Variants in CYB5B observed in about 807,000 individuals in gnomAD.
CYB5B encodes the protein cytochrome b5 type B (outer mitochondrial membrane).
Under a neutral mutation model 21.3 loss-of-function variants are expected in CYB5B, and 14 were observed. The observed-to-expected ratio is 0.66, with a 90% CI of 0.43 to 1.03. The LOEUF is 1.03. Ranked by LOEUF, CYB5B falls within the 50% of genes least tolerant of loss-of-function variation. The pLI, the probability that CYB5B is intolerant of heterozygous loss-of-function variation, is 0.00. For missense variants in CYB5B, 166 were observed against 185.1 expected (o/e 0.90, Z 0.60); for synonymous variants, 69 against 68.4 (o/e 1.01, Z -0.04).
At chr16:69,426,494 C>G (rs1447012212) in intron 1 of CYB5B, among the ~76,000 whole-genome samples, 1 of 151,162 alleles carries the variant, frequency 6.6e-6, no homozygotes, top group South Asian at 2.1e-4. Context: ...ATCACGAGAT[C>G]AAGAGTTCCA....
At chr16:69,429,364 A>T (rs2014681244) in intron 1 of CYB5B, among the ~76,000 whole-genome samples, 1 of 152,148 alleles carries the variant, frequency 6.6e-6, no homozygotes, top group Non-Finnish European at 1.5e-5. Context: ...CATCCTGCTG[A>T]TTGGTCCATT....
chr16:69,459,756 G>A (rs2015016015), intron 4 of CYB5B, among the ~76,000 whole-genome samples: 2 of 152,040 alleles, frequency 1.3e-5, no homozygotes, highest in African/African-American at 2.4e-5. Context: ...TGGACATCTC[G>A]AAGTATTTCA....
At chr16:69,451,361 A>C (rs2014929352) in intron 3 of CYB5B, among the ~76,000 whole-genome samples, 1 of 152,168 alleles carries the variant, frequency 6.6e-6, no homozygotes, top group African/African-American at 2.4e-5. Context: ...TTCGTGGTCT[A>C]TGAATTCTCT....
At chr16:69,453,398 A>C (rs2014954610) in intron 3 of CYB5B, among the ~76,000 whole-genome samples, 1 of 152,196 alleles carries the variant, frequency 6.6e-6, no homozygotes, top group Non-Finnish European at 1.5e-5. Context: ...CAAATTAAAA[A>C]TTTTATTTTT....
chr16:69,450,406 G>T (rs1421414119), intron 3 of CYB5B, among the ~76,000 whole-genome samples: 1 of 152,096 alleles, frequency 6.6e-6, no homozygotes, highest in South Asian at 2.1e-4. Context: ...TTTTCCTCAT[G>T]TCACTGTACT....
chr16:69,424,909 A>G, intron 1 of CYB5B, 52 bp downstream of exon 1: 1 of 1,489,086 alleles, frequency 6.7e-7, no homozygotes, highest in Non-Finnish European at 9.0e-7. Context: ...GAGGGGTGAA[A>G]AGGCTGTGTG....
At chr16:69,455,986 G>C (rs186833450) in intron 3 of CYB5B, among the ~76,000 whole-genome samples, 1 of 152,074 alleles carries the variant, frequency 6.6e-6, no homozygotes, top group Non-Finnish European at 1.5e-5. Context: ...TGAGCTTTTC[G>C]TTTTACAAAC....
rs763490513 is a variant in CYB5B at position 69,459,115 on chromosome 16, G to A, written c.356G>A (p.Cys119Tyr). Residue 119 changes from cysteine to tyrosine, a missense_variant, in exon 4 of 5, where the codon TGC becomes TAC. Transcript: ENST00000307892. ...CAGGACCCTTCAAAAAATGATACAT[G>A]CAAAAGGTTAGTATCTCCTTAACAG... is the stretch of plus-strand genomic sequence containing the variant. ...GSKDPSKNDT[C>Y]KSCWAYWILP... 1.3e-6 allele frequency: 2 copies of A among 1,597,752 alleles called. No homozygotes were observed. The highest frequency in any genetic ancestry group is 1.1e-5 in the South Asian group (1 of 88,024).
At chr16:69,457,489 G>A (rs779763002) in intron 3 of CYB5B, among the ~76,000 whole-genome samples, 5 of 151,952 alleles carry the variant, frequency 3.3e-5, no homozygotes, top group Admixed American at 6.6e-5. Flanking sequence ...TTTCTTGATG[G>A]AATTCAATTA....
At chr16:69,435,129 T>C (rs894521862) in intron 1 of CYB5B, among the ~76,000 whole-genome samples, 2 of 152,172 alleles carry the variant, frequency 1.3e-5, no homozygotes, top group African/African-American at 4.8e-5. Context: ...TACCACTTAA[T>C]AGTTGTGGAA....
At chr16:69,428,588 G>A (rs1394492478) in intron 1 of CYB5B, among the ~76,000 whole-genome samples, 1 of 152,096 alleles carries the variant, frequency 6.6e-6, no homozygotes, top group Non-Finnish European at 1.5e-5. Context: ...CCCAGAAGTT[G>A]GAGGTTGCAG....
At chr16:69,436,154 G>C (rs1392617800) in intron 1 of CYB5B, among the ~76,000 whole-genome samples, 1 of 152,206 alleles carries the variant, frequency 6.6e-6, no homozygotes, top group African/African-American at 2.4e-5. Flanking sequence ...AGCAGTGTGT[G>C]TGCTCACTCC....
rs369384742 is a variant in CYB5B at position 69,424,652 on chromosome 16, C to T, written c.-32C>T. The T allele has an allele frequency of 4.9e-4, 732 of 1,504,120 alleles. No individual in the cohort carries two copies. Among genetic ancestry groups the T allele is most frequent in the Non-Finnish European group, 6.3e-4 (703 of 1,122,132 alleles). 93.2% of individuals were successfully genotyped at this position (1,504,120 alleles called of 1,614,324 possible). A position where few individuals can be genotyped will look rare whatever the true frequency, so the allele number is the denominator to read the frequency against. On this transcript the variant is annotated 5_prime_UTR_variant, in exon 1 of 5. Coordinates refer to ENST00000307892, the MANE Select transcript of CYB5B (RefSeq NM_030579.3). ...AGCGCGGGCTCTCAAGGAAAGTAGT[C>T]GCGGAATCTCAGTTAGCGGTGGAGA...
intron 4 of CYB5B, among the ~76,000 whole-genome samples, chr16:69,462,143 C>T (rs553908410): frequency 2.0e-5 from 3 of 152,254 alleles, no homozygotes; most frequent in Non-Finnish European, 4.4e-5. Context: ...TAATCCCTAA[C>T]TCAGAAATAA....
rs556905320 is a variant in CYB5B, at chr16:69,441,281, G to C, written c.175-5869G>C. 5.9e-5 allele frequency among the ~76,000 whole-genome samples: 9 copies of C among 151,846 alleles called. 1 individual carries two copies. On this transcript the variant is annotated intron_variant, in intron 1 of 4. Transcript: ENST00000307892. ...TGATTTTCCTGCCTCAGCCTCCTGA[G>C]TAGCTGGGACTTACAGGCACATGCC... is the stretch of plus-strand genomic sequence containing the variant.
intron 1 of CYB5B, among the ~76,000 whole-genome samples, chr16:69,434,592 G>C (rs1396176417): frequency 6.6e-6 from 1 of 152,120 alleles, no homozygotes; most frequent in Non-Finnish European, 1.5e-5. Flanking sequence ...TTGGCCAGGT[G>C]CTGTGGCTCA....
intron 1 of CYB5B, among the ~76,000 whole-genome samples, chr16:69,433,456 C>G (rs1360669426): frequency 6.6e-6 from 1 of 152,138 alleles, no homozygotes; most frequent in Non-Finnish European, 1.5e-5. Flanking sequence ...ACATACTATG[C>G]ACACTCATCT....
chr16:69,461,202 CAAAA>C (rs548563223), intron 4 of CYB5B, among the ~76,000 whole-genome samples: 3 of 123,808 alleles, frequency 2.4e-5, no homozygotes, highest in East Asian at 4.7e-4. Flanking sequence ...GACTCCGTCT[CAAAA>C]AAAAAAAAAA....
intron 3 of CYB5B, among the ~76,000 whole-genome samples, chr16:69,452,595 G>A (rs2014946294): frequency 6.6e-6 from 1 of 152,138 alleles, no homozygotes; most frequent in Admixed American, 6.5e-5. Flanking sequence ...GCTTGAACCT[G>A]GGAGGCACAG....
Sources: allele counts gnomAD v4.1 joint callset (sites outside exome capture counted in the v4.1 genomes callset), GRCh38; gene constraint gnomAD v4.1.1; transcripts MANE v1.5; gene names NCBI Gene and HGNC (gene_info 2026-07-23, HGNC 2026-07-21).